The following NCALD variants were observed in gnomAD, a reference collection of about 807,000 sequenced individuals.
The protein encoded by NCALD is neurocalcin-delta.
NCALD carries 10 observed loss-of-function variants against 18.6 expected under a neutral mutation model. The observed-to-expected ratio is 0.54, with a 90% CI of 0.33 to 0.91. The LOEUF (loss-of-function observed/expected upper bound fraction) is 0.91, where lower values mean the gene tolerates loss of function less well. NCALD is among the 40% of genes least tolerant of loss of function. NCALD has a pLI of 0.03. For synonymous variants in NCALD, 88 were observed against 87.4 expected, an observed-to-expected ratio of 1.01 and a Z score of -0.04; for missense variants, 184 against 247.6, an observed-to-expected ratio of 0.74 and a Z score of 1.72.
At chr8:102,075,044 T>G (rs1824297508) in intron 1 of NCALD, among the ~76,000 whole-genome samples, 1 of 152,170 alleles carries the variant, frequency 6.6e-6, no homozygotes, top group Non-Finnish European at 1.5e-5. Flanking sequence ...AAAGACAACA[T>G]CACAGACTTC....
At chr8:101,739,846 T>A (rs1810108725) in intron 1 of NCALD, among the ~76,000 whole-genome samples, 1 of 152,188 alleles carries the variant, frequency 6.6e-6, no homozygotes, top group South Asian at 2.1e-4. Flanking sequence ...ACCTTGTGAT[T>A]GTGTGAGTCG....
intron 2 of NCALD, among the ~76,000 whole-genome samples, chr8:101,705,672 T>C (rs1463488838): frequency 6.6e-6 from 1 of 152,196 alleles, no homozygotes. Context: ...CCTGGTTCTC[T>C]TTCTTGGGAC....
At chr8:101,691,803 C>T (rs970424758) in intron 3 of NCALD, 6 of 985,228 alleles carry the variant, frequency 6.1e-6, no homozygotes, top group South Asian at 9.4e-5. Flanking sequence ...ACTGCGAAGC[C>T]GCCTTCTGCT....
chr8:101,727,974 C>T (rs1290661428), intron 1 of NCALD, among the ~76,000 whole-genome samples: 4 of 152,210 alleles, frequency 2.6e-5, no homozygotes, highest in Non-Finnish European at 4.4e-5. Flanking sequence ...TGAAATCTCT[C>T]AACTTATTTT....
chr8:101,824,320 G>T (rs1813843131), intron 4 of NCALD, among the ~76,000 whole-genome samples: 1 of 152,086 alleles, frequency 6.6e-6, no homozygotes, highest in Non-Finnish European at 1.5e-5. Flanking sequence ...GTCCATAAAT[G>T]AAACATTGTT....
At position 101,997,553 on chromosome 8, in the gene NCALD, C is replaced by T. The variant is rs151320986; in HGVS notation, c.-157+22684G>A. Among the ~76,000 whole-genome samples, 298 of 152,210 alleles carry T rather than the reference C, an allele frequency of 2.0e-3. 2 individuals are homozygous for T. The highest frequency in any genetic ancestry group is 7.0e-3 in the African/African-American group (290 of 41,538). Reference sequence around the variant, plus strand: ...TGCAAAGTACTTCAGAGAGGTAGTCCACCGGAAAAGGAAAATCAAACACAA... The same window carrying T: ...TGCAAAGTACTTCAGAGAGGTAGTCTACCGGAAAAGGAAAATCAAACACAA... On this transcript the variant is annotated intron_variant, in intron 2 of 6. Transcript: ENST00000311028.
At chr8:101,852,555 C>T (rs537437646) in intron 4 of NCALD, 13 of 152,292 alleles carry the variant, frequency 8.5e-5, no homozygotes, top group African/African-American at 3.1e-4. Flanking sequence ...GCAGATCCAC[C>T]ATGAGACATA....
At chr8:102,085,598 TA>T (rs11305918) in intron 1 of NCALD, among the ~76,000 whole-genome samples, 129,640 of 151,650 alleles carry the variant, frequency 0.85, 56,026 homozygotes, top group African/African-American at 0.97. Flanking sequence ...CTACTAAAAA[TA>T]AAAAAAAATT....
At chr8:101,893,905 A>G (rs1436331597) in intron 3 of NCALD, among the ~76,000 whole-genome samples, 3 of 146,616 alleles carry the variant, frequency 2.0e-5, no homozygotes, top group Non-Finnish European at 4.4e-5. Flanking sequence ...ACTCCCACAC[A>G]TTAATAATGG....
chr8:102,103,979 C>G (rs548805766), intron 1 of NCALD, among the ~76,000 whole-genome samples: 3 of 152,114 alleles, frequency 2.0e-5, no homozygotes, highest in Non-Finnish European at 4.4e-5. Context: ...CAAAGAGACA[C>G]GGCAATTCTG....
intron 1 of NCALD, among the ~76,000 whole-genome samples, chr8:102,068,770 T>A (rs1255816555): frequency 5.3e-5 from 8 of 152,246 alleles, no homozygotes; most frequent in Non-Finnish European, 1.2e-4. Context: ...GTCTAGCTCA[T>A]AGTATTTGCT....
At chr8:101,863,898 G>C (rs1339679410) in intron 4 of NCALD, among the ~76,000 whole-genome samples, 1 of 152,128 alleles carries the variant, frequency 6.6e-6, no homozygotes, top group African/African-American at 2.4e-5. Context: ...CTTAGGGAGA[G>C]GAGCCTTTAA....
intron 1 of NCALD, among the ~76,000 whole-genome samples, chr8:102,027,527 T>C (rs547948181): frequency 6.6e-6 from 1 of 152,310 alleles, no homozygotes; most frequent in Admixed American, 6.5e-5. Flanking sequence ...TTAAAGCCAT[T>C]CAACAAGTCT....
intron 1 of NCALD, among the ~76,000 whole-genome samples, chr8:102,112,372 A>G (rs531727103): frequency 6.6e-6 from 1 of 152,338 alleles, no homozygotes; most frequent in East Asian, 1.9e-4. Flanking sequence ...GGATTAATCC[A>G]GCTCCAGAAG....
In NCALD at chr8:102,030,802, C is replaced by T. The variant is rs184600937; in HGVS notation, c.-209-10513G>A. 3.1e-3 allele frequency among the ~76,000 whole-genome samples: 474 copies of T among 152,016 alleles called. 1 individual carries two copies. The highest frequency in any genetic ancestry group is 9.9e-3 in the African/African-American group (411 of 41,472). On this transcript the variant is annotated intron_variant, in intron 1 of 6. Transcript: ENST00000311028. ...GAGGCATGAGAATCACTTGAACCCA[C>T]GAGGTGGAGGTTGTAGTGAGCCACG...
At chr8:101,772,367 G>C (rs1811619945) in intron 1 of NCALD, among the ~76,000 whole-genome samples, 1 of 152,156 alleles carries the variant, frequency 6.6e-6, no homozygotes, top group Admixed American at 6.5e-5. Flanking sequence ...CACAGTCTTA[G>C]AGCAGAATCC....
At chr8:101,920,844 A>G (rs1818138745) in intron 2 of NCALD, among the ~76,000 whole-genome samples, 1 of 152,236 alleles carries the variant, frequency 6.6e-6, no homozygotes. Flanking sequence ...TATACCAGGT[A>G]ACAGACCTGC....
At chr8:102,097,436 C>T (rs1200136575) in intron 1 of NCALD, among the ~76,000 whole-genome samples, 1 of 152,324 alleles carries the variant, frequency 6.6e-6, no homozygotes, top group South Asian at 2.1e-4. Flanking sequence ...TGCTTAAGTG[C>T]ATGGTGACCA....
chr8:101,936,769 G>T (rs1048950461), intron 2 of NCALD, among the ~76,000 whole-genome samples: 1 of 152,066 alleles, frequency 6.6e-6, no homozygotes, highest in South Asian at 2.1e-4. Flanking sequence ...GCTGGTCTAG[G>T]GTAGGTTCAT....
Sources: allele counts gnomAD v4.1 joint callset (sites outside exome capture counted in the v4.1 genomes callset), GRCh38; gene constraint gnomAD v4.1.1; transcripts MANE v1.5; gene names NCBI Gene and HGNC (gene_info 2026-07-23, HGNC 2026-07-21).